GLCCI1: variants seen among roughly 807,000 people sequenced by gnomAD.
The protein encoded by GLCCI1 is glucocorticoid induced 1.
In GLCCI1, 24 loss-of-function variants were observed where a neutral mutation model predicts 52.2. That is an observed-to-expected ratio of 0.46 (90% CI 0.33 to 0.65). GLCCI1 has a LOEUF of 0.65. Ranked by LOEUF, GLCCI1 falls within the 30% of genes least tolerant of loss-of-function variation. GLCCI1 has a pLI of 0.02. For missense variants in GLCCI1, 704 were observed against 701.5 expected, an observed-to-expected ratio of 1.00 and a Z score of -0.04; for synonymous variants, 310 against 276.5, an observed-to-expected ratio of 1.12 and a Z score of -1.20.
At chr7:7,994,586 A>G (rs1780903449) in intron 1 of GLCCI1, among the ~76,000 whole-genome samples, 1 of 152,200 alleles carries the variant, frequency 6.6e-6, no homozygotes, top group Non-Finnish European at 1.5e-5. Context: ...TAATGCATTC[A>G]TGAAGGCAGA....
rs868377188 is a variant in GLCCI1 at position 8,013,854 on chromosome 7, C to T, written c.610-8629C>T. Among the ~76,000 whole-genome samples the T allele has an allele frequency of 2.6e-5, 4 of 151,922 alleles. No individual in the cohort carries two copies. In the South Asian group the frequency reaches 8.3e-4, roughly 32 times the overall value. ...TTTTAGGTAATTTTCTTTGGTTTTT[C>T]GGCTGTACGATCATCCAAATAGTAA... On this transcript the variant is annotated intron_variant, in intron 2 of 7. Transcript: ENST00000223145.
At chr7:8,027,394 G>T (rs540734490) in intron 3 of GLCCI1, among the ~76,000 whole-genome samples, 1 of 152,034 alleles carries the variant, frequency 6.6e-6, no homozygotes, top group South Asian at 2.1e-4. Context: ...AGGCTGAGGC[G>T]CAAGAATCGC....
At chr7:7,980,344 A>T (rs78203026) in intron 1 of GLCCI1, 2 of 181,478 alleles carry the variant, frequency 1.1e-5, no homozygotes, top group Non-Finnish European at 2.3e-5. Flanking sequence ...TACTGTGGGC[A>T]ATGTGGTTGT....
intron 7 of GLCCI1, 48 bp downstream of exon 7, chr7:8,085,065 T>C: frequency 6.2e-7 from 1 of 1,606,482 alleles, no homozygotes; most frequent in Non-Finnish European, 8.5e-7. Context: ...GCTGTAAAGC[T>C]TTTTACTGAG....
chr7:8,070,833 A>G, intron 5 of GLCCI1, 88 bp from the exon 6 acceptor site: 1 of 1,170,242 alleles, frequency 8.5e-7, no homozygotes, highest in Non-Finnish European at 1.2e-6. Flanking sequence ...TAGTGGTGGA[A>G]TATGAAATCA....
At chr7:7,972,056 C>G (rs1204083393) in intron 1 of GLCCI1, among the ~76,000 whole-genome samples, 1 of 152,122 alleles carries the variant, frequency 6.6e-6, no homozygotes, top group Admixed American at 6.5e-5. Flanking sequence ...TTAAAACTGT[C>G]CTACTAAACT....
At chr7:8,017,486 G>A (rs1781403785) in intron 2 of GLCCI1, among the ~76,000 whole-genome samples, 1 of 151,960 alleles carries the variant, frequency 6.6e-6, no homozygotes, top group African/African-American at 2.4e-5. Context: ...TATATTTCTG[G>A]GCCTTATCTA....
intron 2 of GLCCI1, among the ~76,000 whole-genome samples, chr7:8,014,732 A>C (rs1286729388): frequency 6.6e-6 from 1 of 152,092 alleles, no homozygotes; most frequent in African/African-American, 2.4e-5. Flanking sequence ...AAATTTTCTT[A>C]ATTTCTTCCA....
intron 1 of GLCCI1, among the ~76,000 whole-genome samples, chr7:7,990,265 G>C (rs1488569373): frequency 6.6e-6 from 1 of 152,012 alleles, no homozygotes; most frequent in African/African-American, 2.4e-5. Flanking sequence ...AGTGCTCTTT[G>C]TTTGTTGAGG....
At chr7:8,030,078 A>G (rs1017904406) in intron 3 of GLCCI1, among the ~76,000 whole-genome samples, 1 of 152,184 alleles carries the variant, frequency 6.6e-6, no homozygotes, top group Non-Finnish European at 1.5e-5. Context: ...AAAGACCCAG[A>G]ATAGCCAAAG....
rs1459323584 is a variant in GLCCI1 at position 8,071,069 on chromosome 7, C to T, written c.1115C>T (p.Pro372Leu). The T allele has an allele frequency of 6.2e-7, 1 of 1,614,120 alleles. No individual in the cohort carries two copies. Among genetic ancestry groups the T allele is most frequent in the East Asian group, 2.2e-5 (1 of 44,888 alleles). ...TCACCCTGTGTCTCCCCTTTTTGTCCCCCGGAATCCCAGGATGGTAGCCCT... is the reference window on the plus strand; with the variant it reads ...TCACCCTGTGTCTCCCCTTTTTGTCTCCCGGAATCCCAGGATGGTAGCCCT... ...SHSPCVSPFC[P>L]PESQDGSPCS... The change falls in exon 6 of 8, where the codon CCC (proline) becomes CTC (leucine). Residue 372 changes from proline (P) to leucine (L), a missense_variant. By Grantham distance (98) the Pro-to-Leu change is moderately conservative. Coordinates refer to ENST00000223145, the MANE Select transcript of GLCCI1 (RefSeq NM_138426.4).
chr7:8,062,496 C>T (rs904085756), intron 5 of GLCCI1, among the ~76,000 whole-genome samples: 1 of 152,136 alleles, frequency 6.6e-6, no homozygotes, highest in Non-Finnish European at 1.5e-5. Context: ...CAAGGGTACA[C>T]GTGCAGGTTT....
In GLCCI1 at chr7:8,070,910, T is replaced by G; in HGVS notation, c.967-11T>G. 1 of 1,610,300 alleles carries G rather than the reference T, an allele frequency of 6.2e-7. No individual in the cohort carries two copies. Among genetic ancestry groups the G allele is most frequent in the South Asian group, 1.1e-5 (1 of 90,948 alleles). ...CCAGCATTTGGATGTTTAATGGTAT[T>G]CCTCTTACAGCCGTTGGACATACCA... On this transcript the variant is annotated splice_polypyrimidine_tract_variant and intron_variant, in intron 5 of 7. Coordinates refer to ENST00000223145, the MANE Select transcript of GLCCI1 (RefSeq NM_138426.4).
At chr7:7,986,005 T>C (rs142631089) in intron 1 of GLCCI1, among the ~76,000 whole-genome samples, 54 of 152,348 alleles carry the variant, frequency 3.5e-4, no homozygotes, top group Non-Finnish European at 6.3e-4. Context: ...ACAGACATGA[T>C]CCTTACACAT....
At chr7:8,074,596 G>A (rs2127966151) in intron 6 of GLCCI1, among the ~76,000 whole-genome samples, 1 of 152,080 alleles carries the variant, frequency 6.6e-6, no homozygotes, top group East Asian at 1.9e-4. Flanking sequence ...GAGACAAGAG[G>A]ATCACTTGAA....
chr7:8,086,110 T>A lies in GLCCI1; in HGVS notation c.1299-83T>A, dbSNP rs1166582537. The A allele has an allele frequency of 8.4e-7, 1 of 1,194,392 alleles. No homozygotes were observed. Among genetic ancestry groups the A allele is most frequent in the Admixed American group, 2.2e-5 (1 of 46,024 alleles). The allele number at this position is 1,194,392 out of a possible 1,614,324, so 74.0% of individuals were successfully genotyped here. On this transcript the variant is annotated intron_variant, in intron 7 of 7. Coordinates refer to ENST00000223145, the MANE Select transcript of GLCCI1 (RefSeq NM_138426.4). The surrounding 1 kb of genome is among the most constrained non-coding windows in gnomAD (Gnocchi z 4.4). Reference sequence around the variant, plus strand: ...TCCTGCCATTTACATTTTAGCTGTTTTAGAGAACTCCAGTTAATTCAGAAA... The same window carrying A: ...TCCTGCCATTTACATTTTAGCTGTTATAGAGAACTCCAGTTAATTCAGAAA...
At chr7:8,034,679 G>A (rs1291068510) in intron 3 of GLCCI1, among the ~76,000 whole-genome samples, 1 of 152,174 alleles carries the variant, frequency 6.6e-6, no homozygotes, top group Non-Finnish European at 1.5e-5. Context: ...AGGGGAGAGT[G>A]CTGGAGTCCA....
rs1460420672 is a variant in GLCCI1, at chr7:7,969,301, G to A, written c.-50G>A. On this transcript the variant is annotated 5_prime_UTR_variant, in exon 1 of 8. Transcript: ENST00000223145. This position sits in a 1 kb window ranked among gnomAD's most constrained non-coding sequence, Gnocchi z 4.9. ...GCTCCCACACGCTCGCGCGCCTCCC[G>A]CCCCGCGCCTCCGTGTCGGCCGGCG... is the stretch of plus-strand genomic sequence containing the variant. 8.3e-7 allele frequency: 1 copy of A among 1,205,282 alleles called. No homozygotes were observed. Among genetic ancestry groups the A allele is most frequent in the South Asian group, 1.5e-5 (1 of 67,882 alleles). 74.7% of individuals were successfully genotyped at this position (1,205,282 alleles called of 1,614,324 possible).
intron 1 of GLCCI1, chr7:7,982,263 A>G (rs1033837974): frequency 4.5e-6 from 1 of 223,502 alleles, no homozygotes; most frequent in East Asian, 1.5e-4. Context: ...AGTGGCTAAC[A>G]TATTCACCCT....
Sources: allele counts gnomAD v4.1 joint callset (sites outside exome capture counted in the v4.1 genomes callset), GRCh38; gene constraint gnomAD v4.1.1; non-coding constraint Gnocchi (gnomAD v3.1); transcripts MANE v1.5; gene names NCBI Gene and HGNC (gene_info 2026-07-23, HGNC 2026-07-21).